FAM228A: variants seen among roughly 807,000 people sequenced by gnomAD.
FAM228A encodes the protein protein FAM228A.
FAM228A carries 13 observed loss-of-function variants against 18.6 expected under a neutral mutation model. The ratio of observed to expected loss-of-function variants is 0.70; its 90% CI spans 0.45 to 1.11. FAM228A has a LOEUF of 1.11. Ranked by LOEUF, FAM228A falls within the 50% of genes least tolerant of loss-of-function variation. The pLI is 0.00. For missense variants in FAM228A, 240 were observed against 242.2 expected, an observed-to-expected ratio of 0.99 and a Z score of 0.06; for synonymous variants, 77 against 86.6, an observed-to-expected ratio of 0.89 and a Z score of 0.61.
chr2:24,183,413 A>G (rs371855724), intron 4 of FAM228A, 41 bp downstream of exon 4: 10 of 1,607,566 alleles, frequency 6.2e-6, no homozygotes, highest in African/African-American at 5.3e-5. Flanking sequence ...TGAGACTGCT[A>G]ATTGTCCAGT....
Position 24,191,177 on chromosome 2 carries a change from TC to T in FAM228A, c.*548del. 4.1e-6 allele frequency: 4 copies of T among 985,682 alleles called. No individual in the cohort carries two copies. Among genetic ancestry groups the T allele is most frequent in the Non-Finnish European group, 4.8e-6 (4 of 830,138 alleles). The allele number at this position is 985,682 out of a possible 1,614,324, so 61.1% of individuals were successfully genotyped here. Reference sequence around the variant, plus strand: ...TTTCAGCTCCTGGTCTATTTCCCCTTCCATTCTCTCCGCCACGCCCTGTGCC... The same window carrying T: ...TTTCAGCTCCTGGTCTATTTCCCCTTCATTCTCTCCGCCACGCCCTGTGCC... On this transcript the variant is annotated 3_prime_UTR_variant, in exon 6 of 6. Coordinates refer to ENST00000295150, the MANE Select transcript of FAM228A (RefSeq NM_001040710.3).
chr2:24,182,634 C>T (rs112077288), intron 3 of FAM228A, among the ~76,000 whole-genome samples: 196 of 152,184 alleles, frequency 1.3e-3, no homozygotes, highest in African/African-American at 4.4e-3. Context: ...CCCTAGGAGG[C>T]ATGCGTCCTC....
At chr2:24,188,435 T>C (rs1668005694) in intron 5 of FAM228A, 1 of 985,166 alleles carries the variant, frequency 1.0e-6, no homozygotes, top group South Asian at 4.7e-5. Flanking sequence ...TTCAAATAGG[T>C]TTTGGGAAAT....
intron 2 of FAM228A, chr2:24,176,241 C>G (rs903933374): frequency 2.1e-6 from 2 of 969,014 alleles, no homozygotes; most frequent in African/African-American, 1.8e-5. Context: ...AGATGCTTGT[C>G]AATATGTTCT....
chr2:24,176,293 G>C (rs954085287), intron 2 of FAM228A: 3 of 683,992 alleles, frequency 4.4e-6, no homozygotes, highest in Non-Finnish European at 5.4e-6. Flanking sequence ...TTTTATTGTA[G>C]TGTCAGGATA....
intron 5 of FAM228A, chr2:24,188,302 T>G (rs544263260): frequency 3.3e-6 from 1 of 299,340 alleles, no homozygotes; most frequent in East Asian, 1.7e-4. Flanking sequence ...ATTGTGCAGG[T>G]TTGTTACACA....
chr2:24,186,893 C>T (rs568368580), intron 5 of FAM228A, among the ~76,000 whole-genome samples: 2 of 152,336 alleles, frequency 1.3e-5, no homozygotes, highest in Admixed American at 1.3e-4. Flanking sequence ...ACCTTGGCTT[C>T]CCAGAGTACT....
At chr2:24,189,851 A>G (rs1424360249) in intron 5 of FAM228A, among the ~76,000 whole-genome samples, 1 of 152,070 alleles carries the variant, frequency 6.6e-6, no homozygotes, top group Non-Finnish European at 1.5e-5. Flanking sequence ...GGGGCTCGAT[A>G]TGTTAGAGAG....
chr2:24,175,514 C>G lies in FAM228A; in HGVS notation c.34C>G (p.His12Asp). 4.3e-6 allele frequency: 7 copies of G among 1,614,224 alleles called. No individual in the cohort carries two copies. The highest frequency in any genetic ancestry group is 5.9e-6 in the Non-Finnish European group (7 of 1,180,016). ...AATKTASYDE[H>D]FRPEKLREWP... is the part of the protein sequence containing the mutation. ...CACCAAAACTGCGAGTTATGATGAA[C>G]ATTTCAGGCCAGAAAAGTTAAGAGA... The change falls in exon 2 of 6, where the codon CAT becomes GAT. Residue 12 changes from histidine (H) to aspartate (D), a missense_variant. By Grantham distance (81) the His-to-Asp change is moderately conservative. Transcript: ENST00000295150.
At chr2:24,189,204 T>C (rs531860577) in intron 5 of FAM228A, among the ~76,000 whole-genome samples, 1 of 152,234 alleles carries the variant, frequency 6.6e-6, no homozygotes, top group Non-Finnish European at 1.5e-5. Flanking sequence ...TCAGCACTCC[T>C]CCACTGGAAA....
At chr2:24,175,430 G>C in intron 1 of FAM228A, 37 bp from the exon 2 acceptor site, 1 of 1,463,508 alleles carries the variant, frequency 6.8e-7, no homozygotes, top group East Asian at 2.3e-5. Context: ...AACGGTAACC[G>C]TCTTCCTCAG....
At chr2:24,183,741 G>A in intron 5 of FAM228A, 96 bp downstream of exon 5, 2 of 980,936 alleles carry the variant, frequency 2.0e-6, no homozygotes, top group South Asian at 1.8e-5. Flanking sequence ...TTGTCTTTTA[G>A]TAGTTTATAG....
rs926888136 is a variant in FAM228A, at chr2:24,176,100, A to C, written c.93+527A>C. The C allele has an allele frequency of 4.1e-6, 4 of 985,336 alleles. No homozygotes were observed. In the African/African-American group the frequency reaches 7.0e-5, roughly 17 times the overall value. 61.0% of individuals were successfully genotyped at this position (985,336 alleles called of 1,614,324 possible). On this transcript the variant is annotated intron_variant, in intron 2 of 5. Transcript: ENST00000295150. ...TCCTTATATTTCCTGGCAAAATCAC[A>C]AAGAAGAGCCATCAAAGACAAAAAC...
chr2:24,190,955 A>T lies in FAM228A; in HGVS notation c.*324A>T. On this transcript the variant is annotated 3_prime_UTR_variant, in exon 6 of 6. Transcript: ENST00000295150. ...TTCTGCCACTTTCCTACCATTTTCCACTTACTCCATCCAAACTGCACCAAA... is the reference window on the plus strand; with the variant it reads ...TTCTGCCACTTTCCTACCATTTTCCTCTTACTCCATCCAAACTGCACCAAA... The T allele has an allele frequency of 8.4e-6, 9 of 1,067,168 alleles. No individual in the cohort carries two copies. The highest frequency in any genetic ancestry group is 1.0e-5 in the Non-Finnish European group (9 of 882,758). The allele number at this position is 1,067,168 out of a possible 1,614,324, so 66.1% of individuals were successfully genotyped here.
rs1667932764 is a variant in FAM228A, at chr2:24,185,752, A to C, written c.401+2107A>C. Among the ~76,000 whole-genome samples, 7 of 152,234 alleles carry C rather than the reference A, an allele frequency of 4.6e-5. No individual in the cohort carries two copies. The South Asian group carries it at 1.5e-3, about 32-fold the overall frequency. ...TCTACTGGACATAGGGCAGGGATGC[A>C]GCCAAATATCCTACAACAAAGAATT... is the stretch of plus-strand genomic sequence containing the variant. On this transcript the variant is annotated intron_variant, in intron 5 of 5. Coordinates refer to ENST00000295150, the MANE Select transcript of FAM228A (RefSeq NM_001040710.3).
At position 24,189,046 on chromosome 2, in the gene FAM228A, GC is replaced by G. The variant is rs368856288; in HGVS notation, c.402-1359del. Among the ~76,000 whole-genome samples, 235 of 152,106 alleles carry G rather than the reference GC, an allele frequency of 1.5e-3. 1 individual carries two copies. The highest frequency in any genetic ancestry group is 4.9e-3 in the African/African-American group (202 of 41,500). On this transcript the variant is annotated intron_variant, in intron 5 of 5. Transcript: ENST00000295150. ...TTATTTAAACACCAGTAATTACATA[GC>G]CCCCCCACCCCCACAACAAGACAAA...
chr2:24,175,467 G>A lies in FAM228A; in HGVS notation c.-14G>A, dbSNP rs956933452. On this transcript the variant is annotated splice_region_variant and 5_prime_UTR_variant, in exon 2 of 6. Transcript: ENST00000295150. ...CTCAGTTTACCTTTTCATCCCTCAG[G>A]GATTCTCCTGTCCATGGCTGCCACC... 3 of 1,609,900 alleles carry A rather than the reference G, an allele frequency of 1.9e-6. No homozygotes were observed. Among genetic ancestry groups the A allele is most frequent in the Non-Finnish European group, 1.7e-6 (2 of 1,176,108 alleles).
At chr2:24,184,066 T>TA (rs575504510) in intron 5 of FAM228A, among the ~76,000 whole-genome samples, 10 of 152,176 alleles carry the variant, frequency 6.6e-5, no homozygotes, top group Non-Finnish European at 1.3e-4. Context: ...ACTGACTCTT[T>TA]AAAAAACATC....
intron 1 of FAM228A, 35 bp downstream of exon 1, chr2:24,175,209 G>A (rs1004853865): frequency 4.8e-6 from 2 of 416,976 alleles, no homozygotes; most frequent in Non-Finnish European, 4.4e-6. Flanking sequence ...CCTGGGGGTC[G>A]CGGAGCCCAG....
Sources: gnomAD v4.1 joint callset for allele counts (sites outside exome capture counted in the v4.1 genomes callset) on GRCh38, gnomAD v4.1.1 for gene constraint, MANE v1.5 for transcripts, NCBI Gene and HGNC (gene_info 2026-07-23, HGNC 2026-07-21) for gene names.